Variants in CHCHD6 observed in about 807,000 individuals in gnomAD.
The protein encoded by CHCHD6 is MICOS complex subunit MIC25.
In CHCHD6, 28 loss-of-function variants were observed where a neutral mutation model predicts 32.3. That is an observed-to-expected ratio of 0.87 (90% CI 0.64 to 1.19). CHCHD6 has a LOEUF of 1.19. CHCHD6 is among the 50% of genes most tolerant of loss of function. The pLI is 0.00. For synonymous variants in CHCHD6, 122 were observed against 117.5 expected, an observed-to-expected ratio of 1.04 and a Z score of -0.25; for missense variants, 333 against 307.0, an observed-to-expected ratio of 1.08 and a Z score of -0.63.
At chr3:126,789,988 C>G (rs1393976832) in intron 4 of CHCHD6, among the ~76,000 whole-genome samples, 2 of 152,130 alleles carry the variant, frequency 1.3e-5, no homozygotes, top group African/African-American at 4.8e-5. Context: ...ATGTTTAGTG[C>G]TTGCTTCAGG....
At chr3:126,789,404 C>T (rs1490595976) in intron 4 of CHCHD6, among the ~76,000 whole-genome samples, 1 of 152,112 alleles carries the variant, frequency 6.6e-6, no homozygotes, top group Non-Finnish European at 1.5e-5. Context: ...GTTGATCTGT[C>T]TAATGTTGAC....
chr3:126,732,768 T>C (rs1405860070), intron 3 of CHCHD6, among the ~76,000 whole-genome samples: 1 of 152,258 alleles, frequency 6.6e-6, no homozygotes, highest in Non-Finnish European at 1.5e-5. Flanking sequence ...ATCCGTGGAT[T>C]GAGCCCCTCC....
intron 6 of CHCHD6, among the ~76,000 whole-genome samples, chr3:126,955,574 T>C (rs1260390268): frequency 1.3e-5 from 2 of 152,208 alleles, no homozygotes; most frequent in Admixed American, 6.5e-5. Context: ...ATCCTTTACC[T>C]TGGCGCTGGT....
chr3:126,791,050 C>T (rs1938514456), intron 4 of CHCHD6, among the ~76,000 whole-genome samples: 1 of 152,178 alleles, frequency 6.6e-6, no homozygotes, highest in Non-Finnish European at 1.5e-5. Flanking sequence ...CAGTCAGGGT[C>T]CTCAGCTGCA....
At chr3:126,707,212 G>A (rs1934531414) in intron 1 of CHCHD6, among the ~76,000 whole-genome samples, 1 of 150,968 alleles carries the variant, frequency 6.6e-6, no homozygotes. Context: ...GTTGCAGTGA[G>A]CCGAGATTAT....
intron 6 of CHCHD6, among the ~76,000 whole-genome samples, chr3:126,917,668 C>G (rs1427764282): frequency 6.6e-6 from 1 of 152,204 alleles, no homozygotes; most frequent in Non-Finnish European, 1.5e-5. Flanking sequence ...CTCTCCAGAA[C>G]ACATATGTTG....
intron 4 of CHCHD6, among the ~76,000 whole-genome samples, chr3:126,773,470 G>GT (rs1252628491): frequency 6.6e-6 from 1 of 152,180 alleles, no homozygotes; most frequent in Non-Finnish European, 1.5e-5. Context: ...GCAAAGGCAA[G>GT]TAAAAACACC....
intron 1 of CHCHD6, among the ~76,000 whole-genome samples, chr3:126,706,688 A>G (rs1252722159): frequency 2.0e-5 from 3 of 152,096 alleles, no homozygotes; most frequent in Non-Finnish European, 4.4e-5. Context: ...AAACTGAAGA[A>G]AGGAGGTGAT....
At chr3:126,886,845 T>G (rs1484768077) in intron 5 of CHCHD6, among the ~76,000 whole-genome samples, 1 of 152,152 alleles carries the variant, frequency 6.6e-6, no homozygotes, top group Non-Finnish European at 1.5e-5. Flanking sequence ...TCAGATGGGA[T>G]TCAGCCTCAC....
chr3:126,863,469 C>CTCT, intron 5 of CHCHD6, among the ~76,000 whole-genome samples: 1 of 146,028 alleles, frequency 6.8e-6, no homozygotes, highest in African/African-American at 2.6e-5. Flanking sequence ...TCACCACCTC[C>CTCT]TCCACCACCA....
chr3:126,945,354 A>G (rs773368370), intron 6 of CHCHD6, among the ~76,000 whole-genome samples: 4 of 151,992 alleles, frequency 2.6e-5, no homozygotes, highest in Non-Finnish European at 5.9e-5. Context: ...CCCCACCATC[A>G]TGAGTCAGAA....
At chr3:126,729,355 A>G (rs1320243380) in intron 2 of CHCHD6, among the ~76,000 whole-genome samples, 1 of 152,208 alleles carries the variant, frequency 6.6e-6, no homozygotes, top group East Asian at 1.9e-4. Flanking sequence ...AAAGAAACAC[A>G]TGTTCAACAA....
At chr3:126,825,877 A>G (rs533917471) in intron 4 of CHCHD6, among the ~76,000 whole-genome samples, 10 of 152,200 alleles carry the variant, frequency 6.6e-5, no homozygotes, top group Non-Finnish European at 1.5e-4. Context: ...AGAACGATGC[A>G]ACAAACACGT....
intron 6 of CHCHD6, among the ~76,000 whole-genome samples, chr3:126,943,301 C>CA (rs2078589182): frequency 6.6e-6 from 1 of 152,188 alleles, no homozygotes; most frequent in African/African-American, 2.4e-5. Flanking sequence ...GAAAACAACT[C>CA]AAAGTCCTTT....
chr3:126,810,595 G>A (rs980059713), intron 4 of CHCHD6, among the ~76,000 whole-genome samples: 5 of 152,186 alleles, frequency 3.3e-5, no homozygotes, highest in African/African-American at 1.2e-4. Context: ...AGAAAAACTG[G>A]TGAAAGTCAA....
rs189417260 is a variant in CHCHD6, at chr3:126,766,912, C to T, written c.411+33690C>T. On this transcript the variant is annotated intron_variant, in intron 4 of 7. Coordinates refer to ENST00000290913, the MANE Select transcript of CHCHD6 (RefSeq NM_032343.3). ...CTCATCCTGCTCTGCGTGGCCCAGC[C>T]GGCCATAGCCACTGAAGCCCCAGGA... The T allele has an allele frequency of 9.0e-5, 94 of 1,047,240 alleles. No homozygotes were observed. The African/African-American group carries it at 1.1e-3, about 13-fold the overall frequency. 64.9% of individuals were successfully genotyped at this position (1,047,240 alleles called of 1,614,324 possible). A position where few individuals can be genotyped will look rare whatever the true frequency, so the allele number is the denominator to read the frequency against.
At chr3:126,742,053 T>G (rs1936309087) in intron 4 of CHCHD6, among the ~76,000 whole-genome samples, 1 of 152,220 alleles carries the variant, frequency 6.6e-6, no homozygotes, top group Admixed American at 6.5e-5. Context: ...ATCTGCTGTC[T>G]GTGTTACCAC....
At chr3:126,959,963 G>A (rs75085786) in intron 7 of CHCHD6, among the ~76,000 whole-genome samples, 2,960 of 152,310 alleles carry the variant, frequency 0.019, 89 homozygotes, top group African/African-American at 0.064. Context: ...AAAGGGGAGC[G>A]GGTTCTGGTG....
chr3:126,881,023 G>A (rs965031792), intron 5 of CHCHD6, among the ~76,000 whole-genome samples: 4 of 152,208 alleles, frequency 2.6e-5, no homozygotes, highest in African/African-American at 9.7e-5. Flanking sequence ...AGATCTCTGA[G>A]TCAGATTCTA....
Sources: allele counts gnomAD v4.1 joint callset (sites outside exome capture counted in the v4.1 genomes callset), GRCh38; gene constraint gnomAD v4.1.1; transcripts MANE v1.5; gene names NCBI Gene and HGNC (gene_info 2026-07-23, HGNC 2026-07-21).